The following ARHGEF10 variants were observed in gnomAD, a reference collection of about 807,000 sequenced individuals.
ARHGEF10 encodes Rho guanine nucleotide exchange factor (GEF) 10.
Under a neutral mutation model 147.4 loss-of-function variants are expected in ARHGEF10, and 140 were observed. That is an observed-to-expected ratio of 0.95 (90% CI 0.83 to 1.09). The LOEUF (loss-of-function observed/expected upper bound fraction) is 1.09, where lower values mean the gene tolerates loss of function less well. Among genes scored for constraint, ARHGEF10 ranks in the 50% least tolerant of loss-of-function variants. The pLI, the probability that ARHGEF10 is intolerant of heterozygous loss-of-function variation, is 0.00. For synonymous variants in ARHGEF10, 902 were observed against 695.8 expected (o/e 1.30, Z -4.67); for missense variants, 2,222 against 1,752.7 (o/e 1.27, Z -4.78).
intron 11 of ARHGEF10, among the ~76,000 whole-genome samples, chr8:1,887,299 C>G (rs1433185323): frequency 2.6e-5 from 4 of 152,274 alleles, no homozygotes; most frequent in African/African-American, 9.6e-5. Context: ...GTGAGTGACT[C>G]AGGACCAGAA....
chr8:1,887,703 G>GCCGT, intron 11 of ARHGEF10, among the ~76,000 whole-genome samples: 1 of 151,672 alleles, frequency 6.6e-6, no homozygotes, highest in African/African-American at 2.4e-5. Context: ...GACAGTGAGT[G>GCCGT]GGATGAGGGT....
chr8:1,832,291 C>T (rs1442409379), intron 1 of ARHGEF10, among the ~76,000 whole-genome samples: 1 of 152,034 alleles, frequency 6.6e-6, no homozygotes, highest in African/African-American at 2.4e-5. Flanking sequence ...GTGCAGCCGC[C>T]CTTGCTGTGG....
chr8:1,933,456 G>A (rs1395241960), intron 25 of ARHGEF10, among the ~76,000 whole-genome samples: 3 of 151,556 alleles, frequency 2.0e-5, no homozygotes, highest in Non-Finnish European at 2.9e-5. Context: ...CAACCTTTGC[G>A]GCTAGTGGTA....
At chr8:1,929,468 G>C in intron 25 of ARHGEF10, 25 bp downstream of exon 25, 1 of 1,590,092 alleles carries the variant, frequency 6.3e-7, no homozygotes, top group Non-Finnish European at 8.6e-7. Flanking sequence ...ACGGCCTCCT[G>C]GCCGGTCCTT....
At chr8:1,861,490 C>T (rs1806128616) in intron 4 of ARHGEF10, among the ~76,000 whole-genome samples, 1 of 152,224 alleles carries the variant, frequency 6.6e-6, no homozygotes, top group Admixed American at 6.5e-5. Context: ...TGCTGTCTTT[C>T]CCAGGAACGC....
intron 8 of ARHGEF10, 100 bp downstream of exon 8, chr8:1,876,834 T>A: frequency 1.5e-6 from 2 of 1,347,674 alleles, no homozygotes; most frequent in South Asian, 2.3e-5. Flanking sequence ...CATAGTGATT[T>A]GTTAAGATGC....
In ARHGEF10 at chr8:1,889,424, GT is replaced by G. The variant is rs1208002178; in HGVS notation, c.1182+3718del. The stretch of plus-strand genomic sequence containing the variant: ...CATCTGTGAGGAGACACTGAGTGGG[GT>G]GAGGGGTCTGTGAGGAGACACTGAG... On this transcript the variant is annotated intron_variant, in intron 11 of 28. Transcript: ENST00000349830. Among the ~76,000 whole-genome samples the G allele has an allele frequency of 2.0e-3, 160 of 78,076 alleles. 19 individuals carry two copies. The highest frequency in any genetic ancestry group is 0.01 in the African/African-American group (152 of 14,980). 51.2% of individuals were successfully genotyped at this position (78,076 alleles called of 152,430 possible).
At chr8:1,915,501 A>T (rs1563279119) in intron 18 of ARHGEF10, among the ~76,000 whole-genome samples, 3 of 152,198 alleles carry the variant, frequency 2.0e-5, no homozygotes, top group Admixed American at 6.5e-5. Flanking sequence ...TGTCTGGGGG[A>T]GGAAACGGGG....
In ARHGEF10 at chr8:1,843,342, C is replaced by T; in HGVS notation, c.-47-11C>T. On this transcript the variant is annotated splice_polypyrimidine_tract_variant and intron_variant, in intron 1 of 28. Transcript: ENST00000349830. ...CTGAACGGTGACAAGCAGTGTCTCT[C>T]CTTCTTGCAGGAGCTCCTTCCCTTA... The T allele has an allele frequency of 1.9e-6, 3 of 1,609,016 alleles. No homozygotes were observed. Among genetic ancestry groups the T allele is most frequent in the Non-Finnish European group, 2.5e-6 (3 of 1,178,358 alleles).
intron 18 of ARHGEF10, among the ~76,000 whole-genome samples, chr8:1,916,069 G>T (rs1811740890): frequency 6.6e-6 from 1 of 152,258 alleles, no homozygotes; most frequent in African/African-American, 2.4e-5. Flanking sequence ...TCACATGCCA[G>T]TCATTCCCAT....
chr8:1,862,908 A>G (rs1299217740), intron 4 of ARHGEF10, among the ~76,000 whole-genome samples: 1 of 149,796 alleles, frequency 6.7e-6, no homozygotes. Flanking sequence ...CCTCCCAAGT[A>G]GCTGGGACTA....
rs1805999144 is a variant in ARHGEF10, at chr8:1,860,278, C to T, written c.481+94C>T. Reference sequence around the variant, plus strand: ...GGCCTGTGGTTCCCTCCTCTGCATGCCCCGGATGTGGCCTGTGGTTCCGTA... The same window carrying T: ...GGCCTGTGGTTCCCTCCTCTGCATGTCCCGGATGTGGCCTGTGGTTCCGTA... On this transcript the variant is annotated intron_variant, in intron 4 of 28. Coordinates refer to ENST00000349830, the MANE Select transcript of ARHGEF10 (RefSeq NM_014629.4). The T allele has an allele frequency of 4.6e-6, 7 of 1,528,750 alleles. 1 individual carries two copies. The South Asian group carries it at 8.0e-5, about 18-fold the overall frequency. The allele number at this position is 1,528,750 out of a possible 1,614,324, so 94.7% of individuals were successfully genotyped here.
At chr8:1,931,972 T>A (rs760271204) in intron 25 of ARHGEF10, among the ~76,000 whole-genome samples, 1 of 152,146 alleles carries the variant, frequency 6.6e-6, no homozygotes, top group South Asian at 2.1e-4. Flanking sequence ...CATCGTGTCA[T>A]TGATCTTTGA....
At chr8:1,877,159 G>A (rs1807778472) in intron 8 of ARHGEF10, among the ~76,000 whole-genome samples, 1 of 152,202 alleles carries the variant, frequency 6.6e-6, no homozygotes, top group African/African-American at 2.4e-5. Context: ...AGCATGAAAA[G>A]GAAGACGTAA....
intron 9 of ARHGEF10, among the ~76,000 whole-genome samples, chr8:1,880,930 G>A (rs1275051416): frequency 6.6e-6 from 1 of 152,196 alleles, no homozygotes; most frequent in Non-Finnish European, 1.5e-5. Context: ...GCCGCCCCCT[G>A]GGAGCCGCGT....
chr8:1,924,288 G>C (rs1585558303), intron 21 of ARHGEF10, among the ~76,000 whole-genome samples: 1 of 152,234 alleles, frequency 6.6e-6, no homozygotes, highest in Non-Finnish European at 1.5e-5. Flanking sequence ...GGCTGGGCTG[G>C]GGGGTTACTA....
At chr8:1,850,024 G>A (rs1258120954) in intron 2 of ARHGEF10, among the ~76,000 whole-genome samples, 1 of 70,868 alleles carries the variant, frequency 1.4e-5, no homozygotes, top group African/African-American at 5.0e-5. Flanking sequence ...TGGGCCGGCT[G>A]CATGGACACA....
intron 28 of ARHGEF10, among the ~76,000 whole-genome samples, chr8:1,953,645 A>G (rs983199963): frequency 8.7e-4 from 77 of 88,308 alleles, no homozygotes; most frequent in Non-Finnish European, 1.4e-3. Flanking sequence ...TAACAGCACG[A>G]AACAGGAGGT....
chr8:1,877,403 T>A (rs1021390914), intron 8 of ARHGEF10, among the ~76,000 whole-genome samples: 4 of 152,098 alleles, frequency 2.6e-5, no homozygotes, highest in Non-Finnish European at 5.9e-5. Context: ...AATTTTCGTA[T>A]TTTTATTAGA....
Sources: gnomAD v4.1 joint callset for allele counts (sites outside exome capture counted in the v4.1 genomes callset) on GRCh38, gnomAD v4.1.1 for gene constraint, MANE v1.5 for transcripts, NCBI Gene and HGNC (gene_info 2026-07-23, HGNC 2026-07-21) for gene names.